The following KIAA1217 variants were observed in gnomAD, a reference collection of about 807,000 sequenced individuals.
KIAA1217 encodes the protein sickle tail protein homolog.
A neutral mutation model predicts 163.9 loss-of-function variants in KIAA1217; 88 were observed. That is an observed-to-expected ratio of 0.54 (90% CI 0.45 to 0.64). The LOEUF (loss-of-function observed/expected upper bound fraction) is 0.64, where lower values mean the gene tolerates loss of function less well. KIAA1217 is among the 30% of genes least tolerant of loss of function. The pLI, the probability that KIAA1217 is intolerant of heterozygous loss-of-function variation, is 0.00. For synonymous variants in KIAA1217, 903 were observed against 923.1 expected (o/e 0.98, Z 0.39); for missense variants, 2,372 against 2,475.0 (o/e 0.96, Z 0.88).
At chr10:24,060,953 T>A (rs1358160769) in intron 2 of KIAA1217, among the ~76,000 whole-genome samples, 1 of 152,256 alleles carries the variant, frequency 6.6e-6, no homozygotes. Context: ...TTGGTTCATT[T>A]GTTGTAAAAG....
At chr10:24,520,007 G>GC (rs2070840874) in intron 10 of KIAA1217, 116 bp from the exon 11 acceptor site, 3 of 1,195,228 alleles carry the variant, frequency 2.5e-6, no homozygotes, top group Middle Eastern at 3.0e-4. Flanking sequence ...CGAAAGGCAG[G>GC]GGGGAGGAGC....
intron 2 of KIAA1217, among the ~76,000 whole-genome samples, chr10:24,066,302 A>C (rs953211148): frequency 6.6e-6 from 1 of 152,106 alleles, no homozygotes; most frequent in African/African-American, 2.4e-5. Flanking sequence ...TTCCATGTTT[A>C]GTGCTTCCTT....
chr10:24,503,890 T>C (rs1285920480), intron 9 of KIAA1217, among the ~76,000 whole-genome samples: 4 of 152,156 alleles, frequency 2.6e-5, no homozygotes, highest in African/African-American at 7.2e-5. Flanking sequence ...AAAACATACA[T>C]ATCATTTGTA....
intron 1 of KIAA1217, among the ~76,000 whole-genome samples, chr10:23,710,940 G>C (rs2130734727): frequency 6.6e-6 from 1 of 152,334 alleles, no homozygotes; most frequent in Admixed American, 6.5e-5. Flanking sequence ...AAAATGAAAA[G>C]AGTGATTTTG....
intron 2 of KIAA1217, among the ~76,000 whole-genome samples, chr10:24,185,154 C>T (rs780555207): frequency 3.3e-5 from 5 of 152,132 alleles, no homozygotes; most frequent in Non-Finnish European, 7.3e-5. Flanking sequence ...AAAGAGGGAA[C>T]TCTCAGAATC....
intron 1 of KIAA1217, among the ~76,000 whole-genome samples, chr10:23,829,339 T>A (rs555370208): frequency 6.6e-6 from 1 of 152,288 alleles, no homozygotes; most frequent in South Asian, 2.1e-4. Flanking sequence ...ACTAACCAAC[T>A]GATGGCCCAC....
intron 1 of KIAA1217, among the ~76,000 whole-genome samples, chr10:23,973,711 G>A (rs979125608): frequency 5.9e-5 from 9 of 152,270 alleles, no homozygotes; most frequent in Admixed American, 2.0e-4. Context: ...GGGAATCAGA[G>A]GTAATGACGA....
chr10:24,524,191 A>G, intron 12 of KIAA1217, 132 bp from the exon 13 acceptor site: 1 of 831,026 alleles, frequency 1.2e-6, no homozygotes, highest in Non-Finnish European at 1.9e-6. Flanking sequence ...ATGTCTATAC[A>G]TGTCCCTAAG....
At chr10:23,937,029 C>T (rs1021442068) in intron 1 of KIAA1217, among the ~76,000 whole-genome samples, 1 of 152,228 alleles carries the variant, frequency 6.6e-6, no homozygotes, top group Non-Finnish European at 1.5e-5. Context: ...TAGGCACCTG[C>T]CATGATGCCT....
chr10:24,224,841 T>C (rs1359209726), intron 2 of KIAA1217, among the ~76,000 whole-genome samples: 2 of 148,604 alleles, frequency 1.3e-5, no homozygotes, highest in Non-Finnish European at 1.5e-5. Context: ...TTTTTTTTTT[T>C]TTTGAGATGG....
chr10:24,408,087 A>T (rs78559535), intron 3 of KIAA1217, among the ~76,000 whole-genome samples: 7,535 of 152,226 alleles, frequency 0.049, 178 homozygotes, highest in Admixed American at 0.064. Flanking sequence ...CAGCTCCATC[A>T]TCTGCCATTG....
intron 1 of KIAA1217, among the ~76,000 whole-genome samples, chr10:23,898,447 C>T (rs1237337595): frequency 6.6e-6 from 1 of 151,888 alleles, no homozygotes; most frequent in African/African-American, 2.4e-5. Context: ...TTCACAAAAT[C>T]ACCTTACTTT....
At chr10:24,372,741 T>A (rs2051855721) in intron 2 of KIAA1217, among the ~76,000 whole-genome samples, 1 of 152,176 alleles carries the variant, frequency 6.6e-6, no homozygotes, top group African/African-American at 2.4e-5. Context: ...ATTACTAAAT[T>A]ATACCCCAAA....
intron 2 of KIAA1217, among the ~76,000 whole-genome samples, chr10:24,379,268 T>C (rs1280935578): frequency 3.3e-5 from 5 of 152,208 alleles, no homozygotes; most frequent in Non-Finnish European, 5.9e-5. Flanking sequence ...ATTTTCCTGG[T>C]CAAATACTTG....
intron 17 of KIAA1217, among the ~76,000 whole-genome samples, chr10:24,541,656 T>G (rs2075107443): frequency 6.6e-6 from 1 of 152,106 alleles, no homozygotes; most frequent in South Asian, 2.1e-4. Flanking sequence ...CTAGTGTTAG[T>G]GTTATGTCAG....
chr10:23,874,049 A>G (rs1435892519), intron 1 of KIAA1217, among the ~76,000 whole-genome samples: 1 of 152,036 alleles, frequency 6.6e-6, no homozygotes, highest in East Asian at 1.9e-4. Context: ...ACATAGAAAG[A>G]ATATGTGCAA....
At chr10:23,914,138 T>C (rs922728756) in intron 1 of KIAA1217, among the ~76,000 whole-genome samples, 3 of 152,028 alleles carry the variant, frequency 2.0e-5, no homozygotes, top group African/African-American at 7.2e-5. Context: ...GAAGCCAAGA[T>C]TGGAAGGATG....
chr10:23,928,294 A>G (rs1487188973), intron 1 of KIAA1217, among the ~76,000 whole-genome samples: 3 of 152,218 alleles, frequency 2.0e-5, no homozygotes, highest in African/African-American at 7.2e-5. Flanking sequence ...CTTTGAAAGC[A>G]AATCACATAT....
intron 14 of KIAA1217, 122 bp downstream of exon 14, chr10:24,528,241 A>C (rs2134894933): frequency 1.3e-6 from 1 of 759,902 alleles, no homozygotes; most frequent in East Asian, 2.7e-5. Flanking sequence ...AAATCTTACA[A>C]AATGTAAAAC....
Sources: allele counts gnomAD v4.1 joint callset (sites outside exome capture counted in the v4.1 genomes callset), GRCh38; gene constraint gnomAD v4.1.1; transcripts MANE v1.5; gene names NCBI Gene and HGNC (gene_info 2026-07-23, HGNC 2026-07-21).